The following TLN2 variants were observed in gnomAD, a reference collection of about 807,000 sequenced individuals.
TLN2 encodes talin-2.
Under a neutral mutation model 294.7 loss-of-function variants are expected in TLN2, and 118 were observed. The ratio of observed to expected loss-of-function variants is 0.40; its 90% CI spans 0.34 to 0.47. TLN2 has a LOEUF of 0.47. Ranked by LOEUF, TLN2 falls within the 20% of genes least tolerant of loss-of-function variation. The pLI is 0.84. For synonymous variants in TLN2, 1,431 were observed against 1,304.5 expected (o/e 1.10, Z -2.09); for missense variants, 3,083 against 3,282.2 (o/e 0.94, Z 1.48).
At chr15:62,682,404 C>G (rs971947583) in intron 11 of TLN2, among the ~76,000 whole-genome samples, 5 of 152,138 alleles carry the variant, frequency 3.3e-5, no homozygotes, top group Non-Finnish European at 5.9e-5. Flanking sequence ...CCATACAGAG[C>G]ATGTCTGCGA....
intron 9 of TLN2, among the ~76,000 whole-genome samples, chr15:62,668,629 A>G (rs2055015547): frequency 6.6e-6 from 1 of 152,204 alleles, no homozygotes; most frequent in African/African-American, 2.4e-5. Context: ...GGCCCAGAGC[A>G]TGGTCCCCAG....
chr15:62,466,474 C>G (rs932739154), intron 1 of TLN2, among the ~76,000 whole-genome samples: 1 of 152,234 alleles, frequency 6.6e-6, no homozygotes, highest in Non-Finnish European at 1.5e-5. Context: ...AGCATCCCCA[C>G]CCCCTTTCAG....
intron 1 of TLN2, among the ~76,000 whole-genome samples, chr15:62,538,232 C>CAT (rs2041474105): frequency 6.6e-6 from 1 of 152,012 alleles, no homozygotes; most frequent in African/African-American, 2.4e-5. Flanking sequence ...TACACACACA[C>CAT]ACACACACAA....
At position 62,800,527 on chromosome 15, in the gene TLN2, G is replaced by C. The variant is rs1341989765; in HGVS notation, c.6360+34G>C. 14 of 1,612,440 alleles carry C rather than the reference G, an allele frequency of 8.7e-6. No homozygotes were observed. The Admixed American group carries it at 2.3e-4, about 27-fold the overall frequency. ...GGGCTCCGACTGGGGATGAGCACCTGAGTTCTCTTCTCACTTAAAGGAAGG... is the reference window on the plus strand; with the variant it reads ...GGGCTCCGACTGGGGATGAGCACCTCAGTTCTCTTCTCACTTAAAGGAAGG... On this transcript the variant is annotated intron_variant, in intron 49 of 58. Coordinates refer to ENST00000636159, the MANE Select transcript of TLN2 (RefSeq NM_015059.3).
At chr15:62,408,986 T>A (rs1248766033) in intron 1 of TLN2, among the ~76,000 whole-genome samples, 1 of 151,306 alleles carries the variant, frequency 6.6e-6, no homozygotes, top group Non-Finnish European at 1.5e-5. Context: ...TATTTATTTA[T>A]TTTTTGGGGG....
At chr15:62,551,565 G>A (rs2042312937) in intron 1 of TLN2, among the ~76,000 whole-genome samples, 1 of 150,694 alleles carries the variant, frequency 6.6e-6, no homozygotes, top group Non-Finnish European at 1.5e-5. Flanking sequence ...CAGATGTGGT[G>A]GCAGGCACCT....
At chr15:62,447,184 T>A (rs76598932) in intron 1 of TLN2, among the ~76,000 whole-genome samples, 85 of 151,752 alleles carry the variant, frequency 5.6e-4, no homozygotes, top group African/African-American at 1.7e-3. Context: ...TATTTATTTA[T>A]TTAATTAGGA....
chr15:62,663,631 C>A (rs1159594741), intron 9 of TLN2, among the ~76,000 whole-genome samples: 1 of 150,692 alleles, frequency 6.6e-6, no homozygotes, highest in Non-Finnish European at 1.5e-5. Flanking sequence ...CCATACAAAT[C>A]AAAAAAGAGG....
chr15:62,708,476 C>G (rs1156915880), intron 20 of TLN2, 26 bp from the exon 21 acceptor site: 1 of 1,605,948 alleles, frequency 6.2e-7, no homozygotes, highest in Non-Finnish European at 8.5e-7. Flanking sequence ...CCACAGTGCC[C>G]AAAACCTGTT....
At chr15:62,707,459 C>T (rs1186832549) in intron 20 of TLN2, among the ~76,000 whole-genome samples, 2 of 152,172 alleles carry the variant, frequency 1.3e-5, no homozygotes, top group Non-Finnish European at 1.5e-5. Flanking sequence ...GTCCTCAGGC[C>T]GTTGGTACTT....
intron 1 of TLN2, among the ~76,000 whole-genome samples, chr15:62,557,632 C>T (rs990832817): frequency 6.6e-6 from 1 of 152,206 alleles, no homozygotes; most frequent in Non-Finnish European, 1.5e-5. Flanking sequence ...ACCTCCACCT[C>T]CCGGGCTCAA....
intron 1 of TLN2, among the ~76,000 whole-genome samples, chr15:62,462,083 A>C (rs1238016926): frequency 1.3e-5 from 2 of 152,072 alleles, no homozygotes; most frequent in Non-Finnish European, 2.9e-5. Context: ...CAAAATACAA[A>C]AATTAGCCGG....
intron 1 of TLN2, among the ~76,000 whole-genome samples, chr15:62,501,277 G>A (rs964358518): frequency 1.3e-5 from 2 of 152,148 alleles, no homozygotes; most frequent in African/African-American, 4.8e-5. Flanking sequence ...GGCTATGCAA[G>A]TCCCTTTTGT....
At chr15:62,603,544 G>A (rs2047173776) in intron 2 of TLN2, among the ~76,000 whole-genome samples, 1 of 152,154 alleles carries the variant, frequency 6.6e-6, no homozygotes, top group Non-Finnish European at 1.5e-5. Flanking sequence ...GGACATTTGG[G>A]TAGTTTCCAT....
chr15:62,551,659 A>C (rs1169499653), intron 1 of TLN2, among the ~76,000 whole-genome samples: 2 of 152,194 alleles, frequency 1.3e-5, no homozygotes, highest in South Asian at 4.1e-4. Flanking sequence ...AGACCGTGCC[A>C]TTGCACTCCA....
intron 1 of TLN2, among the ~76,000 whole-genome samples, chr15:62,450,453 G>C (rs2036041605): frequency 1.1e-5 from 1 of 90,378 alleles, no homozygotes; most frequent in African/African-American, 3.0e-5. Flanking sequence ...TGGGGATTCA[G>C]CTTTTTTTTA....
chr15:62,483,446 G>A (rs2038215967), intron 1 of TLN2, among the ~76,000 whole-genome samples: 1 of 152,170 alleles, frequency 6.6e-6, no homozygotes, highest in Non-Finnish European at 1.5e-5. Flanking sequence ...GCAAGTTCTT[G>A]GTTTAATTGT....
chr15:62,557,875 G>A (rs1596119513), intron 1 of TLN2, among the ~76,000 whole-genome samples: 1 of 152,332 alleles, frequency 6.6e-6, no homozygotes, highest in East Asian at 1.9e-4. Context: ...TCAAATTACT[G>A]TGTGTGCCTA....
At position 62,560,333 on chromosome 15, in the gene TLN2, C is replaced by T. The variant is rs186127019; in HGVS notation, c.-237-29354C>T. On this transcript the variant is annotated intron_variant, in intron 1 of 58. Transcript: ENST00000636159. ...TTGGCTCACTGCAACCTCCACCTCCCGGGTTCAAGTGATTCTGCTGCCTCA... is the reference window on the plus strand; with the variant it reads ...TTGGCTCACTGCAACCTCCACCTCCTGGGTTCAAGTGATTCTGCTGCCTCA... 8.5e-4 allele frequency among the ~76,000 whole-genome samples: 129 copies of T among 152,234 alleles called. 2 individuals are homozygous for T. The East Asian group carries it at 0.02, about 24-fold the overall frequency.
Sources: gnomAD v4.1 joint callset for allele counts (sites outside exome capture counted in the v4.1 genomes callset) on GRCh38, gnomAD v4.1.1 for gene constraint, MANE v1.5 for transcripts, NCBI Gene and HGNC (gene_info 2026-07-23, HGNC 2026-07-21) for gene names.